EEF1AKMT4: variants seen among roughly 807,000 people sequenced by gnomAD.
The protein encoded by EEF1AKMT4 is eukaryotic translation elongation factor 1 alpha lysine specific methyltransferase 4.
Under a neutral mutation model 23.0 loss-of-function variants are expected in EEF1AKMT4, and 17 were observed. The observed-to-expected ratio is 0.74, with a 90% CI of 0.51 to 1.11. The LOEUF (loss-of-function observed/expected upper bound fraction) is 1.11. Ranked by LOEUF, EEF1AKMT4 falls within the 50% of genes least tolerant of loss-of-function variation. The pLI is 0.00. For missense variants in EEF1AKMT4, 318 were observed against 333.4 expected (o/e 0.95, Z 0.36); for synonymous variants, 140 against 141.4 (o/e 0.99, Z 0.07).
intron 1 of EEF1AKMT4, among the ~76,000 whole-genome samples, chr3:184,250,968 C>T (rs1252900643): frequency 6.6e-6 from 1 of 151,734 alleles, no homozygotes; most frequent in Non-Finnish European, 1.5e-5. Flanking sequence ...GCCTATAATC[C>T]CAACTACTTG....
intron 1 of EEF1AKMT4, among the ~76,000 whole-genome samples, chr3:184,250,475 C>T (rs890604666): frequency 6.6e-6 from 1 of 152,134 alleles, no homozygotes. Flanking sequence ...CAGGGTGATA[C>T]GATTCCCCAA....
intron 1 of EEF1AKMT4, among the ~76,000 whole-genome samples, chr3:184,254,875 C>G (rs1485824582): frequency 6.6e-6 from 1 of 152,168 alleles, no homozygotes; most frequent in Non-Finnish European, 1.5e-5. Context: ...GCTCTAGGCC[C>G]TCATGTGATG....
chr3:184,258,502 C>G lies in EEF1AKMT4; in HGVS notation c.695C>G (p.Pro232Arg). The stretch of plus-strand genomic sequence containing the variant: ...CTGGGGGCCCAAATCCTCTCACCCC[C>G]CAGACCTCCCACCTCACCTTGCTTC... ...LALGAQILSPPRPPTSPCFLQ... is the reference protein window; with the variant it reads ...LALGAQILSPRRPPTSPCFLQ... Residue 232 changes from proline (P) to arginine (R), a missense_variant, in exon 3 of 3, where the codon CCC becomes CGC. Physicochemically the swap from Pro to Arg is moderately radical, Grantham distance 103. Transcript: ENST00000324557. 6.2e-7 allele frequency: 1 copy of G among 1,613,450 alleles called. No homozygotes were observed.
rs763608257 is a variant in EEF1AKMT4, at chr3:184,258,498, C to A, written c.691C>A (p.Pro231Thr). 5.6e-6 allele frequency: 9 copies of A among 1,613,348 alleles called. No individual in the cohort carries two copies. The highest frequency in any genetic ancestry group is 1.7e-4 in the Middle Eastern group (1 of 6,056). Reference protein sequence around the residue: ...QLALGAQILSPPRPPTSPCFL... With the variant: ...QLALGAQILSTPRPPTSPCFL... ...GGCTCTGGGGGCCCAAATCCTCTCA[C>A]CCCCCAGACCTCCCACCTCACCTTG... Residue 231 changes from proline (P) to threonine (T), a missense_variant, in exon 3 of 3, where the codon CCC (proline) becomes ACC (threonine). Transcript: ENST00000324557.
At chr3:184,253,223 A>C (rs1719637594) in intron 1 of EEF1AKMT4, among the ~76,000 whole-genome samples, 1 of 152,136 alleles carries the variant, frequency 6.6e-6, no homozygotes, top group Non-Finnish European at 1.5e-5. Flanking sequence ...ACAGATGTAC[A>C]CCATTAGAAG....
Position 184,249,821 on chromosome 3 carries a change from G to T in EEF1AKMT4, c.127G>T (p.Gly43Trp). Residue 43 changes from glycine to tryptophan, a missense_variant, in exon 1 of 3, where the codon GGG becomes TGG. Transcript: ENST00000324557. ...AADSAPYDWFGDFSSFRALLE... is the reference protein window; with the variant it reads ...AADSAPYDWFWDFSSFRALLE... ...CGATTCTGCCCCCTACGATTGGTTC[G>T]GGGACTTCTCCTCCTTCCGTGCCCT... 6.2e-7 allele frequency: 1 copy of T among 1,613,314 alleles called. No homozygotes were observed. Among genetic ancestry groups the T allele is most frequent in the Non-Finnish European group, 8.5e-7 (1 of 1,179,992 alleles).
At chr3:184,257,440 A>G (rs202177761) in intron 1 of EEF1AKMT4, 33 bp from the exon 2 acceptor site, 1 of 1,571,160 alleles carries the variant, frequency 6.4e-7, no homozygotes, top group Non-Finnish European at 8.7e-7. Context: ...AAACTAACGT[A>G]GCTCTTTTGC....
intron 1 of EEF1AKMT4, among the ~76,000 whole-genome samples, chr3:184,253,126 G>C (rs774333265): frequency 5.9e-5 from 9 of 152,124 alleles, no homozygotes; most frequent in Non-Finnish European, 8.8e-5. Flanking sequence ...TCAAGAATGT[G>C]CTCCCAGGAG....
chr3:184,251,106 A>AG (rs1553831048), intron 1 of EEF1AKMT4, among the ~76,000 whole-genome samples: 5 of 142,396 alleles, frequency 3.5e-5, no homozygotes, highest in African/African-American at 1.3e-4. Context: ...AAAAAAAAAG[A>AG]AAAGAACTTG....
chr3:184,251,344 C>T (rs1034040712), intron 1 of EEF1AKMT4, among the ~76,000 whole-genome samples: 8 of 151,964 alleles, frequency 5.3e-5, no homozygotes, highest in African/African-American at 1.9e-4. Context: ...ACAAGCCTGG[C>T]CAACATGGTG....
intron 1 of EEF1AKMT4, among the ~76,000 whole-genome samples, 198 bp downstream of exon 1, chr3:184,250,088 C>G (rs1462818457): frequency 6.6e-6 from 1 of 152,204 alleles, no homozygotes; most frequent in African/African-American, 2.4e-5. Context: ...GTCCCGGGGC[C>G]CTCTGGAGAA....
chr3:184,249,963 C>T (rs1196737215), intron 1 of EEF1AKMT4, 73 bp downstream of exon 1: 2 of 1,494,974 alleles, frequency 1.3e-6, no homozygotes, highest in Non-Finnish European at 1.8e-6. Flanking sequence ...GCCTGGTCCG[C>T]TTTCCTCCCG....
At chr3:184,254,931 G>A (rs915949817) in intron 1 of EEF1AKMT4, among the ~76,000 whole-genome samples, 1 of 152,124 alleles carries the variant, frequency 6.6e-6, no homozygotes, top group African/African-American at 2.4e-5. Context: ...CTTCCCTCAG[G>A]CTCCACTTTG....
intron 1 of EEF1AKMT4, among the ~76,000 whole-genome samples, chr3:184,256,220 C>T (rs925312788): frequency 2.7e-5 from 4 of 145,768 alleles, no homozygotes; most frequent in East Asian, 4.0e-4. Flanking sequence ...TGCAGTGAGC[C>T]GAGATCGTGC....
In EEF1AKMT4 at chr3:184,249,716, A is replaced by G; in HGVS notation, c.22A>G (p.Arg8Gly). 1.2e-6 allele frequency: 2 copies of G among 1,610,024 alleles called. No individual in the cohort carries two copies. The highest frequency in any genetic ancestry group is 1.7e-6 in the Non-Finnish European group (2 of 1,177,768). MASPGAG[R>G]APPELPERNC... is the part of the protein sequence containing the mutation. The stretch of plus-strand genomic sequence containing the variant: ...GAGCATGGCCTCTCCAGGGGCAGGT[A>G]GGGCGCCTCCGGAGTTACCGGAGCG... The change falls in exon 1 of 3, where the codon AGG becomes GGG. Residue 8 changes from arginine to glycine, a missense_variant. Coordinates refer to ENST00000324557, the MANE Select transcript of EEF1AKMT4 (RefSeq NM_032331.4).
At chr3:184,250,175 G>C (rs554952874) in intron 1 of EEF1AKMT4, among the ~76,000 whole-genome samples, 1 of 152,366 alleles carries the variant, frequency 6.6e-6, no homozygotes, top group South Asian at 2.1e-4. Flanking sequence ...CAGCCTTGGG[G>C]ACCGGATTGC....
Position 184,258,631 on chromosome 3 carries a change from G to C in EEF1AKMT4, c.*56G>C, listed in dbSNP as rs115639749. The C allele has an allele frequency of 1.5e-3, 2,271 of 1,514,518 alleles. 26 individuals carry two copies. The African/African-American group carries it at 0.028, about 18-fold the overall frequency. 93.8% of individuals were successfully genotyped at this position (1,514,518 alleles called of 1,614,324 possible). On this transcript the variant is annotated 3_prime_UTR_variant, in exon 3 of 3. Transcript: ENST00000324557. ...CATTCTGCCCTGGGCTCCTCAGGTAGTTGGAATTCCTGACTTAGGACTTGG... is the reference window on the plus strand; with the variant it reads ...CATTCTGCCCTGGGCTCCTCAGGTACTTGGAATTCCTGACTTAGGACTTGG...
At chr3:184,253,462 C>T (rs760334517) in intron 1 of EEF1AKMT4, among the ~76,000 whole-genome samples, 22 of 152,104 alleles carry the variant, frequency 1.4e-4, no homozygotes, top group Non-Finnish European at 2.5e-4. Flanking sequence ...ATGGATATAG[C>T]TAACAATGGA....
chr3:184,252,946 C>CAAAAAAAA (rs563455729), intron 1 of EEF1AKMT4, among the ~76,000 whole-genome samples: 1 of 45,400 alleles, frequency 2.2e-5, no homozygotes, highest in African/African-American at 8.2e-5. Flanking sequence ...AACTCCATCT[C>CAAAAAAAA]AAAAAAAAAA....
Sources: gnomAD v4.1 joint callset for allele counts (sites outside exome capture counted in the v4.1 genomes callset) on GRCh38, gnomAD v4.1.1 for gene constraint, MANE v1.5 for transcripts, NCBI Gene and HGNC (gene_info 2026-07-23, HGNC 2026-07-21) for gene names.